The following XKR4 variants were observed in gnomAD, a reference collection of about 807,000 sequenced individuals.
The protein encoded by XKR4 is XK-related protein 4.
A neutral mutation model predicts 53.9 loss-of-function variants in XKR4; 12 were observed. That is an observed-to-expected ratio of 0.22 (90% CI 0.14 to 0.36). The LOEUF is 0.36. Among genes scored for constraint, XKR4 ranks in the 10% least tolerant of loss-of-function variants. The pLI is 1.00. For synonymous variants in XKR4, 354 were observed against 362.4 expected, an observed-to-expected ratio of 0.98 and a Z score of 0.26; for missense variants, 799 against 859.5, an observed-to-expected ratio of 0.93 and a Z score of 0.88.
intron 1 of XKR4, among the ~76,000 whole-genome samples, chr8:55,303,268 T>A (rs997564239): frequency 1.3e-5 from 2 of 152,236 alleles, no homozygotes; most frequent in Admixed American, 6.5e-5. Flanking sequence ...GTGGTTTTTG[T>A]CTTTGGTTCT....
At chr8:55,125,558 A>G (rs554196627) in intron 1 of XKR4, among the ~76,000 whole-genome samples, 11 of 152,306 alleles carry the variant, frequency 7.2e-5, no homozygotes, top group Middle Eastern at 3.4e-3. Context: ...CTTCACAAAC[A>G]TTGCCCATTA....
chr8:55,198,494 G>C (rs1317386250), intron 1 of XKR4, among the ~76,000 whole-genome samples: 1 of 151,370 alleles, frequency 6.6e-6, no homozygotes, highest in Non-Finnish European at 1.5e-5. Context: ...ATTTTTATAT[G>C]TTATAATAAA....
intron 1 of XKR4, among the ~76,000 whole-genome samples, chr8:55,230,004 C>T (rs1447404417): frequency 2.0e-5 from 3 of 151,990 alleles, no homozygotes; most frequent in South Asian, 2.1e-4. Context: ...TCCTTTGTTG[C>T]GGGCCTTCCT....
At position 55,357,767 on chromosome 8, in the gene XKR4, A is replaced by G. The variant is rs770963560; in HGVS notation, c.896A>G (p.Tyr299Cys). 6 of 1,614,102 alleles carry G rather than the reference A, an allele frequency of 3.7e-6. No homozygotes were observed. The South Asian group carries it at 4.4e-5, about 12-fold the overall frequency. The change falls in exon 2 of 3, where the codon TAT becomes TGT. Residue 299 changes from tyrosine (Y) to cysteine (C), a missense_variant. Tyr to Cys is a radical substitution (Grantham distance 194). Transcript: ENST00000327381. ...TTTTACTGGAAAATGGTATATGAGTATGCGGATGTGAGTATGCTGCATTTG... is the reference window on the plus strand; with the variant it reads ...TTTTACTGGAAAATGGTATATGAGTGTGCGGATGTGAGTATGCTGCATTTG... Reference protein sequence around the residue: ...WRFYWKMVYEYADVSMLHLLA... With the variant: ...WRFYWKMVYECADVSMLHLLA...
chr8:55,278,377 A>G (rs1198776834), intron 1 of XKR4, among the ~76,000 whole-genome samples: 1 of 150,280 alleles, frequency 6.7e-6, no homozygotes, highest in Non-Finnish European at 1.5e-5. Context: ...ACAAATTATT[A>G]TCTATTTATT....
At chr8:55,106,104 C>T (rs1206483873) in intron 1 of XKR4, among the ~76,000 whole-genome samples, 1 of 152,158 alleles carries the variant, frequency 6.6e-6, no homozygotes, top group Non-Finnish European at 1.5e-5. Flanking sequence ...TAACATGCTA[C>T]TTTCTGGGAT....
At chr8:55,181,500 C>G (rs1013061191) in intron 1 of XKR4, among the ~76,000 whole-genome samples, 1 of 152,062 alleles carries the variant, frequency 6.6e-6, no homozygotes, top group Non-Finnish European at 1.5e-5. Context: ...AATATCTTAG[C>G]CAAGCTGAGG....
chr8:55,306,891 C>G (rs1819308633), intron 1 of XKR4, among the ~76,000 whole-genome samples: 1 of 150,830 alleles, frequency 6.6e-6, no homozygotes, highest in South Asian at 2.1e-4. Flanking sequence ...TCCAAATTCT[C>G]TTGAATTACT....
intron 1 of XKR4, among the ~76,000 whole-genome samples, chr8:55,250,329 G>A (rs1006238526): frequency 1.1e-4 from 16 of 152,268 alleles, no homozygotes; most frequent in South Asian, 8.3e-4. Context: ...ATAATAGAAT[G>A]AAGCACATTT....
At chr8:55,292,142 T>C (rs1290106207) in intron 1 of XKR4, among the ~76,000 whole-genome samples, 1 of 152,152 alleles carries the variant, frequency 6.6e-6, no homozygotes, top group Non-Finnish European at 1.5e-5. Context: ...AGTTTTTCCT[T>C]TTGTGCTGTG....
chr8:55,412,707 G>T (rs1231736527), intron 2 of XKR4, among the ~76,000 whole-genome samples: 11 of 152,234 alleles, frequency 7.2e-5, no homozygotes, highest in Admixed American at 7.2e-4. Context: ...GAGAATTTCA[G>T]CTCTGGCAGC....
At chr8:55,156,375 A>G (rs1248545115) in intron 1 of XKR4, among the ~76,000 whole-genome samples, 1 of 140,278 alleles carries the variant, frequency 7.1e-6, no homozygotes, top group Non-Finnish European at 1.5e-5. Flanking sequence ...AGTGAGCTCA[A>G]GGTAAGACGC....
At chr8:55,510,732 C>T (rs1038897621) in intron 2 of XKR4, among the ~76,000 whole-genome samples, 4 of 152,228 alleles carry the variant, frequency 2.6e-5, no homozygotes, top group African/African-American at 9.6e-5. Context: ...TTATTAGATG[C>T]TCTCATAGTC....
At chr8:55,466,163 T>C (rs1805765001) in intron 2 of XKR4, among the ~76,000 whole-genome samples, 1 of 152,168 alleles carries the variant, frequency 6.6e-6, no homozygotes, top group Non-Finnish European at 1.5e-5. Context: ...TTATAAATCA[T>C]GCTGCTATAA....
intron 1 of XKR4, among the ~76,000 whole-genome samples, chr8:55,213,501 G>A (rs1342937147): frequency 1.3e-5 from 2 of 152,180 alleles, no homozygotes. Flanking sequence ...AATTGGGAAA[G>A]TTTAGAATCT....
At chr8:55,126,025 TAG>T (rs1816463570) in intron 1 of XKR4, among the ~76,000 whole-genome samples, 1 of 152,138 alleles carries the variant, frequency 6.6e-6, no homozygotes, top group Non-Finnish European at 1.5e-5. Flanking sequence ...GCAGTTATTA[TAG>T]ATTGGCTCAC....
Position 55,322,023 on chromosome 8 carries a change from A to C in XKR4, c.807-35655A>C, listed in dbSNP as rs77988082. Among the ~76,000 whole-genome samples, 884 of 152,020 alleles carry C rather than the reference A, an allele frequency of 5.8e-3. 11 individuals are homozygous for C. Among genetic ancestry groups the C allele is most frequent in the African/African-American group, 0.02 (839 of 41,450 alleles). On this transcript the variant is annotated intron_variant, in intron 1 of 2. Coordinates refer to ENST00000327381, the MANE Select transcript of XKR4 (RefSeq NM_052898.2). ...CAAACAAACAAACAAAAAATAACTTATCTTTACAATCTTTGACATCCTTCC... is the reference window on the plus strand; with the variant it reads ...CAAACAAACAAACAAAAAATAACTTCTCTTTACAATCTTTGACATCCTTCC...
chr8:55,285,820 G>T (rs763434956), intron 1 of XKR4, among the ~76,000 whole-genome samples: 44 of 152,134 alleles, frequency 2.9e-4, no homozygotes, highest in Non-Finnish European at 4.7e-4. Context: ...GTTTCTGAAC[G>T]TGTTTATCAA....
chr8:55,135,365 C>A, intron 1 of XKR4: 1 of 245,742 alleles, frequency 4.1e-6, no homozygotes, highest in Non-Finnish European at 8.6e-6. Context: ...TGTTGTAATC[C>A]TTCTATTTAG....
Sources: allele counts gnomAD v4.1 joint callset (sites outside exome capture counted in the v4.1 genomes callset), GRCh38; gene constraint gnomAD v4.1.1; transcripts MANE v1.5; gene names NCBI Gene and HGNC (gene_info 2026-07-23, HGNC 2026-07-21).